The following KALRN variants were observed in gnomAD, a reference collection of about 807,000 sequenced individuals.
KALRN encodes the protein kalirin RhoGEF kinase.
In KALRN, 70 loss-of-function variants were observed where a neutral mutation model predicts 353.7. The observed-to-expected ratio is 0.20, with a 90% CI of 0.16 to 0.24. The LOEUF (loss-of-function observed/expected upper bound fraction) is 0.24. Ranked by LOEUF, KALRN falls within the 10% of genes least tolerant of loss-of-function variation. The pLI, the probability that KALRN is intolerant of heterozygous loss-of-function variation, is 1.00. For missense variants in KALRN, 2,791 were observed against 3,756.7 expected (o/e 0.74, Z 6.72); for synonymous variants, 1,391 against 1,434.8 (o/e 0.97, Z 0.69).
chr3:124,436,069 G>C (rs910738005), intron 17 of KALRN, among the ~76,000 whole-genome samples: 1 of 152,198 alleles, frequency 6.6e-6, no homozygotes, highest in African/African-American at 2.4e-5. Context: ...CATATATACA[G>C]TCAGTTGATT....
chr3:124,232,153 C>G lies in KALRN; in HGVS notation c.149-2676C>G, dbSNP rs571369566. Among the ~76,000 whole-genome samples the G allele has an allele frequency of 2.0e-5, 3 of 152,270 alleles. No individual in the cohort carries two copies. In the East Asian group the frequency reaches 5.8e-4, roughly 29 times the overall value. On this transcript the variant is annotated intron_variant, in intron 2 of 59. Coordinates refer to ENST00000682506, the MANE Select transcript of KALRN (RefSeq NM_001388419.1). ...ATCTCCCACCCTCCCTGGGCATACC[C>G]CATTTATATGGTGCATTAGCTCCAC...
intron 10 of KALRN, among the ~76,000 whole-genome samples, chr3:124,355,934 C>T (rs1252319483): frequency 5.9e-5 from 9 of 151,822 alleles, no homozygotes; most frequent in African/African-American, 2.2e-4. Flanking sequence ...AGGCTGGTCT[C>T]GAACTCCTGA....
intron 5 of KALRN, among the ~76,000 whole-genome samples, chr3:124,269,682 A>G (rs868298215): frequency 1.3e-5 from 2 of 152,222 alleles, no homozygotes; most frequent in African/African-American, 2.4e-5. Context: ...AACAGCCACT[A>G]TAATATTAAT....
intron 33 of KALRN, among the ~76,000 whole-genome samples, chr3:124,543,093 G>T (rs945362573): frequency 6.6e-6 from 1 of 152,130 alleles, no homozygotes; most frequent in Non-Finnish European, 1.5e-5. Context: ...CGACACGGTG[G>T]CTGGCTTCCC....
chr3:124,713,301 A>G (rs552446871), intron 58 of KALRN, among the ~76,000 whole-genome samples, 166 bp downstream of exon 58: 47 of 152,362 alleles, frequency 3.1e-4, no homozygotes, highest in South Asian at 1.9e-3. Flanking sequence ...TGTCATTTCC[A>G]TTTCAAAGAT....
At chr3:124,089,056 C>T (rs760873685) in intron 1 of KALRN, among the ~76,000 whole-genome samples, 25 of 151,550 alleles carry the variant, frequency 1.6e-4, no homozygotes, top group African/African-American at 4.1e-4. Flanking sequence ...AAAAAATACC[C>T]GAGGGACTAA....
chr3:124,110,978 C>T (rs1331756222), intron 1 of KALRN, among the ~76,000 whole-genome samples: 1 of 152,200 alleles, frequency 6.6e-6, no homozygotes, highest in African/African-American at 2.4e-5. Flanking sequence ...GGCAAATGCT[C>T]TCAAGGCAAA....
At chr3:124,621,226 G>A (rs2079233031) in intron 34 of KALRN, among the ~76,000 whole-genome samples, 1 of 152,178 alleles carries the variant, frequency 6.6e-6, no homozygotes, top group African/African-American at 2.4e-5. Flanking sequence ...GGGAAAAGAA[G>A]GGGGACAATA....
At chr3:124,077,903 T>C (rs2060340654) in intron 1 of KALRN, among the ~76,000 whole-genome samples, 1 of 152,236 alleles carries the variant, frequency 6.6e-6, no homozygotes, top group African/African-American at 2.4e-5. Flanking sequence ...AACTGTGACA[T>C]CATGGGCAGT....
chr3:124,502,388 C>T (rs2064692178), intron 33 of KALRN, among the ~76,000 whole-genome samples: 2 of 152,186 alleles, frequency 1.3e-5, no homozygotes, highest in Middle Eastern at 3.4e-3. Flanking sequence ...CCGTTTGTGT[C>T]GGTTGTGAGC....
chr3:124,075,312 A>C (rs1474133120), intron 1 of KALRN, among the ~76,000 whole-genome samples: 2 of 152,064 alleles, frequency 1.3e-5, no homozygotes, highest in Admixed American at 6.5e-5. Flanking sequence ...TTTACACTTC[A>C]TTTGTCAGTC....
intron 10 of KALRN, among the ~76,000 whole-genome samples, chr3:124,366,263 C>T (rs493303): frequency 6.9e-6 from 1 of 144,480 alleles, no homozygotes; most frequent in African/African-American, 2.6e-5. Context: ...GGGGGATTTG[C>T]CAGGGTCATG....
intron 1 of KALRN, among the ~76,000 whole-genome samples, chr3:124,151,135 G>T (rs1015798654): frequency 1.3e-5 from 2 of 152,084 alleles, no homozygotes; most frequent in South Asian, 2.1e-4. Context: ...GAATAAAGCC[G>T]CTATGGATAC....
intron 1 of KALRN, among the ~76,000 whole-genome samples, chr3:124,124,412 G>A (rs928678479): frequency 3.3e-5 from 5 of 152,224 alleles, no homozygotes; most frequent in Admixed American, 1.3e-4. Flanking sequence ...AGCAAAGAAA[G>A]TGGTTTCTTG....
chr3:124,668,059 C>T (rs2085880796), intron 47 of KALRN, among the ~76,000 whole-genome samples: 1 of 107,736 alleles, frequency 9.3e-6, no homozygotes. Flanking sequence ...CACACACACA[C>T]ACACACACAC....
chr3:124,266,013 G>A (rs929923784), intron 4 of KALRN, among the ~76,000 whole-genome samples: 1 of 152,126 alleles, frequency 6.6e-6, no homozygotes, highest in East Asian at 1.9e-4. Context: ...TACTCAAGAG[G>A]CTGAGGCAGG....
intron 1 of KALRN, among the ~76,000 whole-genome samples, chr3:124,170,647 C>G (rs1439969491): frequency 6.6e-6 from 1 of 151,942 alleles, no homozygotes; most frequent in African/African-American, 2.4e-5. Flanking sequence ...TCAATAAAAG[C>G]AAGCTCTAAA....
At chr3:124,192,373 T>C (rs1315981637) in intron 1 of KALRN, among the ~76,000 whole-genome samples, 1 of 151,946 alleles carries the variant, frequency 6.6e-6, no homozygotes, top group Non-Finnish European at 1.5e-5. Flanking sequence ...TACTAGAGGC[T>C]GGGAAAGGTA....
intron 34 of KALRN, 112 bp downstream of exon 34, chr3:124,563,201 C>T: frequency 1.4e-5 from 17 of 1,173,596 alleles, no homozygotes; most frequent in Non-Finnish European, 1.8e-5. Context: ...CATTTTTACC[C>T]TGTGGGGTTT....
Sources: gnomAD v4.1 joint callset for allele counts (sites outside exome capture counted in the v4.1 genomes callset) on GRCh38, gnomAD v4.1.1 for gene constraint, MANE v1.5 for transcripts, NCBI Gene and HGNC (gene_info 2026-07-23, HGNC 2026-07-21) for gene names.